The following PON3 variants were observed in gnomAD, a reference collection of about 807,000 sequenced individuals.
PON3 encodes paraoxonase 3.
PON3 carries 37 observed loss-of-function variants against 36.3 expected under a neutral mutation model. That is an observed-to-expected ratio of 1.02 (90% CI 0.78 to 1.34). The LOEUF is 1.34. Ranked by LOEUF, PON3 falls within the 40% of genes most tolerant of loss-of-function variation. The probability of loss-of-function intolerance (pLI) is 0.00; values close to 1 mark genes in which losing one functional copy is unlikely to be tolerated. For missense variants in PON3, 415 were observed against 426.5 expected, an observed-to-expected ratio of 0.97 and a Z score of 0.24; for synonymous variants, 155 against 154.8, an observed-to-expected ratio of 1.00 and a Z score of -0.01.
chr7:95,379,078 C>CA (rs34582490), intron 3 of PON3, among the ~76,000 whole-genome samples: 66,428 of 146,014 alleles, frequency 0.45, 15,585 homozygotes, highest in East Asian at 0.74. Context: ...AAATAAAAAG[C>CA]AAAAAAAAAA....
Position 95,367,346 on chromosome 7 carries a change from T to G in PON3, c.494+16A>C, listed in dbSNP as rs370795600. 15 of 1,610,244 alleles carry G rather than the reference T, an allele frequency of 9.3e-6. No homozygotes were observed. The highest frequency in any genetic ancestry group is 1.3e-5 in the Non-Finnish European group (15 of 1,179,450). On this transcript the variant is annotated intron_variant, in intron 5 of 8. Transcript: ENST00000265627. The stretch of plus-strand genomic sequence containing the variant: ...GTGCAAAGTAAATAGAACCGCACAA[T>G]ACTTTCATTCCATACCTTTTGAGAA...
intron 3 of PON3, among the ~76,000 whole-genome samples, chr7:95,387,245 T>G (rs1223718801): frequency 6.6e-6 from 1 of 152,238 alleles, no homozygotes; most frequent in African/African-American, 2.4e-5. Context: ...TCCCATCATC[T>G]GAGCCTCAAA....
At chr7:95,375,177 C>T (rs956838090) in intron 3 of PON3, among the ~76,000 whole-genome samples, 2 of 151,790 alleles carry the variant, frequency 1.3e-5, no homozygotes, top group East Asian at 3.9e-4. Flanking sequence ...TTCCCCATAA[C>T]CAATTTGTCA....
Position 95,372,195 on chromosome 7 carries a change from C to G in PON3, c.345G>C (p.Gly115=). The change falls in exon 4 of 9, where the codon GGG becomes GGC. Residue 115 remains glycine (G), a synonymous_variant. Coordinates refer to ENST00000265627, the MANE Select transcript of PON3 (RefSeq NM_000940.3). ...GFDKELFNPH[G]ISIFIDKDNT... is the part of the protein sequence containing the mutation. ...TACCTTTGTCGATGAAAATACTGAT[C>G]CCATGTGGATTAAATAATTCTTTGT... The G allele has an allele frequency of 6.2e-7, 1 of 1,613,746 alleles. No homozygotes were observed. Among genetic ancestry groups the G allele is most frequent in the South Asian group, 1.1e-5 (1 of 91,068 alleles).
chr7:95,386,789 G>A (rs1203902495), intron 3 of PON3, among the ~76,000 whole-genome samples: 1 of 152,138 alleles, frequency 6.6e-6, no homozygotes, highest in Non-Finnish European at 1.5e-5. Context: ...TATCCACCAT[G>A]ATCAAGTCAG....
rs1384054779 is a variant in PON3, at chr7:95,396,021, T to C, written c.74+256A>G. On this transcript the variant is annotated intron_variant, in intron 1 of 8. Coordinates refer to ENST00000265627, the MANE Select transcript of PON3 (RefSeq NM_000940.3). Reference sequence around the variant, plus strand: ...CAGAAAGTAAAAGGGGGTCATGACCTTCAGAAAGCAAAGTGGGGGATCATA... The same window carrying C: ...CAGAAAGTAAAAGGGGGTCATGACCCTCAGAAAGCAAAGTGGGGGATCATA... 5.6e-6 allele frequency: 3 copies of C among 531,534 alleles called. No individual in the cohort carries two copies. The Admixed American group carries it at 9.3e-5, about 16-fold the overall frequency. The allele number at this position is 531,534 out of a possible 1,614,324, so 32.9% of individuals were successfully genotyped here.
At position 95,364,083 on chromosome 7, in the gene PON3, G is replaced by GA; in HGVS notation, c.495-21dup. 1 of 1,591,920 alleles carries GA rather than the reference G, an allele frequency of 6.3e-7. No individual in the cohort carries two copies. The highest frequency in any genetic ancestry group is 8.6e-7 in the Non-Finnish European group (1 of 1,159,916). On this transcript the variant is annotated intron_variant, in intron 5 of 8. Coordinates refer to ENST00000265627, the MANE Select transcript of PON3 (RefSeq NM_000940.3). ...TTCACACTAAAGTGAAAGGGAGGTG[G>GA]AAAAAGAGACCCATGAGGTATTTAA...
intron 4 of PON3, among the ~76,000 whole-genome samples, chr7:95,371,814 T>C (rs1469415309): frequency 1.3e-5 from 2 of 152,140 alleles, no homozygotes; most frequent in Admixed American, 1.3e-4. Context: ...ATTTGTTTTT[T>C]TCCCCCTTAT....
At chr7:95,362,718 G>A in intron 7 of PON3, 42 bp downstream of exon 7, 4 of 1,517,400 alleles carry the variant, frequency 2.6e-6, no homozygotes, top group Non-Finnish European at 3.7e-6. Flanking sequence ...ATGGGACTAA[G>A]GTAAGAAGTC....
At chr7:95,372,690 G>A (rs1808834966) in intron 3 of PON3, among the ~76,000 whole-genome samples, 1 of 152,120 alleles carries the variant, frequency 6.6e-6, no homozygotes, top group South Asian at 2.1e-4. Context: ...AAATGAAGAA[G>A]TTCAAATACA....
chr7:95,373,047 C>T (rs1182182305), intron 3 of PON3, among the ~76,000 whole-genome samples: 1 of 152,184 alleles, frequency 6.6e-6, no homozygotes, highest in African/African-American at 2.4e-5. Flanking sequence ...GAAGCCTTTG[C>T]TGCATCTGAG....
chr7:95,384,436 A>T (rs1809139954), intron 3 of PON3, among the ~76,000 whole-genome samples: 1 of 152,202 alleles, frequency 6.6e-6, no homozygotes, highest in Non-Finnish European at 1.5e-5. Flanking sequence ...AATGCAAGAA[A>T]ATTTTTTCAG....
intron 3 of PON3, among the ~76,000 whole-genome samples, chr7:95,385,411 T>G (rs1809166372): frequency 6.6e-6 from 1 of 152,030 alleles, no homozygotes; most frequent in Non-Finnish European, 1.5e-5. Flanking sequence ...GCACCCAGAT[T>G]CATAAAGCAA....
intron 3 of PON3, among the ~76,000 whole-genome samples, chr7:95,388,937 C>T (rs1809259297): frequency 6.6e-6 from 1 of 152,012 alleles, no homozygotes; most frequent in South Asian, 2.1e-4. Context: ...TGGGGCCTGT[C>T]AGGGTGTGGG....
chr7:95,370,709 T>C (rs1808791175), intron 4 of PON3, among the ~76,000 whole-genome samples: 1 of 152,216 alleles, frequency 6.6e-6, no homozygotes, highest in African/African-American at 2.4e-5. Context: ...TTTGAAATTA[T>C]GAACTGTGAA....
intron 7 of PON3, 73 bp downstream of exon 7, chr7:95,362,687 G>A: frequency 7.1e-7 from 1 of 1,416,816 alleles, no homozygotes; most frequent in Non-Finnish European, 1.0e-6. Context: ...CTCATTCAAG[G>A]GGCACATTCC....
chr7:95,373,772 G>A (rs1808858770), intron 3 of PON3, among the ~76,000 whole-genome samples: 1 of 151,992 alleles, frequency 6.6e-6, no homozygotes, highest in Admixed American at 6.6e-5. Context: ...GCAATCTATT[G>A]GATTTCCTCA....
chr7:95,380,524 A>C (rs1809023717), intron 3 of PON3, among the ~76,000 whole-genome samples: 1 of 152,238 alleles, frequency 6.6e-6, no homozygotes, highest in Admixed American at 6.5e-5. Flanking sequence ...GATGGAGCTG[A>C]AAACCATGGC....
chr7:95,366,082 C>T (rs1442938177), intron 5 of PON3, among the ~76,000 whole-genome samples: 2 of 152,040 alleles, frequency 1.3e-5, no homozygotes, highest in East Asian at 3.9e-4. Context: ...ATAACCTTCT[C>T]CCTTCCTTGC....
Sources: allele counts gnomAD v4.1 joint callset (sites outside exome capture counted in the v4.1 genomes callset), GRCh38; gene constraint gnomAD v4.1.1; transcripts MANE v1.5; gene names NCBI Gene and HGNC (gene_info 2026-07-23, HGNC 2026-07-21).